The following CES1 variants were observed in gnomAD, a reference collection of about 807,000 sequenced individuals.
CES1 encodes liver carboxylesterase 1.
A neutral mutation model predicts 53.0 loss-of-function variants in CES1; 50 were observed. The observed-to-expected ratio is 0.94, with a 90% confidence interval of 0.75 to 1.19. The LOEUF (loss-of-function observed/expected upper bound fraction) is 1.19, where lower values mean the gene tolerates loss of function less well. Among genes scored for constraint, CES1 ranks in the 50% most tolerant of loss-of-function variants. The probability of loss-of-function intolerance (pLI) is 0.00; values close to 1 mark genes in which losing one functional copy is unlikely to be tolerated. For missense variants in CES1, 534 were observed against 538.0 expected, an observed-to-expected ratio of 0.99 and a Z score of 0.07; for synonymous variants, 202 against 210.1, an observed-to-expected ratio of 0.96 and a Z score of 0.33.
At chr16:55,829,166 A>T (rs2032543636) in intron 1 of CES1, among the ~76,000 whole-genome samples, 192 bp from the exon 2 acceptor site, 1 of 152,114 alleles carries the variant, frequency 6.6e-6, no homozygotes, top group Admixed American at 6.5e-5. Context: ...TTTAATGGGC[A>T]AACTAGAATT....
chr16:55,820,592 T>C, intron 5 of CES1, 113 bp from the exon 6 acceptor site: 1 of 1,552,844 alleles, frequency 6.4e-7, no homozygotes, highest in South Asian at 1.1e-5. Context: ...GACTGAGGAA[T>C]CCAGTAGTGG....
At chr16:55,815,667 C>A (rs1390106899) in intron 8 of CES1, among the ~76,000 whole-genome samples, 1 of 152,140 alleles carries the variant, frequency 6.6e-6, no homozygotes, top group Non-Finnish European at 1.5e-5. Context: ...TCCAACTACT[C>A]CTCCCATCCC....
intron 11 of CES1, 31 bp downstream of exon 11, chr16:55,810,486 G>C (rs780681113): frequency 6.2e-7 from 1 of 1,613,688 alleles, no homozygotes. Flanking sequence ...CGTGGGGTTT[G>C]TGTCCCTCCC....
intron 7 of CES1, among the ~76,000 whole-genome samples, chr16:55,818,438 GT>G (rs1255946723): frequency 6.6e-6 from 1 of 152,178 alleles, no homozygotes; most frequent in Non-Finnish European, 1.5e-5. Flanking sequence ...ATCTGTCTTT[GT>G]TACCTCTGTT....
rs566100600 is a variant in CES1 at position 55,821,262 on chromosome 16, C to T, written c.693+106G>A. 5.0e-5 allele frequency: 72 copies of T among 1,437,768 alleles called. No homozygotes were observed. The African/African-American group carries it at 9.3e-4, about 19-fold the overall frequency. The allele number at this position is 1,437,768 out of a possible 1,614,324, so 89.1% of individuals were successfully genotyped here. A position where few individuals can be genotyped will look rare whatever the true frequency, so the allele number is the denominator to read the frequency against. ...CTGTGAGTAGGGCCAGTCCTGAATT[C>T]AGGTATTGTAATCAGAGGTATCCAT... is the stretch of plus-strand genomic sequence containing the variant. On this transcript the variant is annotated intron_variant, in intron 5 of 13. Transcript: ENST00000360526.
intron 11 of CES1, among the ~76,000 whole-genome samples, chr16:55,808,678 G>C (rs1377533699): frequency 6.6e-6 from 1 of 152,218 alleles, no homozygotes; most frequent in South Asian, 2.1e-4. Flanking sequence ...ACATTAGGCT[G>C]AGCTCAATGT....
At position 55,816,972 on chromosome 16, in the gene CES1, C is replaced by T; in HGVS notation, c.907-10G>A. On this transcript the variant is annotated splice_polypyrimidine_tract_variant and intron_variant, in intron 7 of 13. Transcript: ENST00000360526. Reference sequence around the variant, plus strand: ...CCAGAGATAAGAATTTCTGTGAAGACAAAGGCAGAGGATGTGGGTGAGAGG... The same window carrying T: ...CCAGAGATAAGAATTTCTGTGAAGATAAAGGCAGAGGATGTGGGTGAGAGG... 6.2e-7 allele frequency: 1 copy of T among 1,614,144 alleles called. No individual in the cohort carries two copies. The highest frequency in any genetic ancestry group is 8.5e-7 in the Non-Finnish European group (1 of 1,180,004).
At chr16:55,829,033 G>A (rs1239056510) in intron 1 of CES1, 59 bp from the exon 2 acceptor site, 14 of 1,547,130 alleles carry the variant, frequency 9.0e-6, no homozygotes, top group Admixed American at 7.8e-5. Context: ...CCAGATTCCA[G>A]GTGGAGTTTG....
At chr16:55,816,224 TG>T (rs1303304057) in intron 8 of CES1, among the ~76,000 whole-genome samples, 1 of 150,974 alleles carries the variant, frequency 6.6e-6, no homozygotes, top group African/African-American at 2.4e-5. Flanking sequence ...GGCACTGTAA[TG>T]GAAGGTCCCA....
chr16:55,825,911 A>G (rs1247466695), intron 3 of CES1, among the ~76,000 whole-genome samples: 1 of 152,196 alleles, frequency 6.6e-6, no homozygotes, highest in Admixed American at 6.5e-5. Flanking sequence ...AGCATGAGGG[A>G]ACTTGGAACA....
intron 7 of CES1, among the ~76,000 whole-genome samples, chr16:55,818,424 A>C (rs2142330706): frequency 6.6e-6 from 1 of 152,310 alleles, no homozygotes; most frequent in African/African-American, 2.4e-5. Context: ...CAATTACAAA[A>C]TTTATCTGTC....
chr16:55,814,763 G>T (rs2031858488), intron 8 of CES1, among the ~76,000 whole-genome samples: 2 of 152,232 alleles, frequency 1.3e-5, no homozygotes, highest in Admixed American at 6.5e-5. Flanking sequence ...GGGACCTTTG[G>T]TCTGCTCTAC....
chr16:55,831,789 C>A (rs1437967994), intron 1 of CES1, among the ~76,000 whole-genome samples: 2 of 151,762 alleles, frequency 1.3e-5, no homozygotes, highest in African/African-American at 4.8e-5. Context: ...GCTGGGCTGT[C>A]AGGATTCAGG....
At position 55,826,124 on chromosome 16, in the gene CES1, C is replaced by G. The variant is rs140459094; in HGVS notation, c.405+27G>C. On this transcript the variant is annotated intron_variant, in intron 3 of 13. Coordinates refer to ENST00000360526, the MANE Select transcript of CES1 (RefSeq NM_001025195.2). ...GATGCGGGGTACTGGCACTGACACG[C>G]CTTGACCAGGGGGTCCCACAACTTA... The G allele has an allele frequency of 9.8e-4, 1,588 of 1,613,934 alleles. 1 individual carries two copies. The highest frequency in any genetic ancestry group is 1.3e-3 in the Non-Finnish European group (1,509 of 1,179,832).
At chr16:55,817,120 T>C (rs1400097000) in intron 7 of CES1, among the ~76,000 whole-genome samples, 158 bp from the exon 8 acceptor site, 1 of 152,162 alleles carries the variant, frequency 6.6e-6, no homozygotes, top group South Asian at 2.1e-4. Flanking sequence ...TGAACATGAA[T>C]ATTAGTTCAG....
At chr16:55,812,782 C>A (rs1275732528) in intron 9 of CES1, 121 bp downstream of exon 9, 15 of 1,426,372 alleles carry the variant, frequency 1.1e-5, no homozygotes, top group Non-Finnish European at 1.5e-5. Flanking sequence ...TTAACTCCTG[C>A]TGAAGGGAAC....
Position 55,826,227 on chromosome 16 carries a change from G to A in CES1, c.329C>T (p.Pro110Leu), listed in dbSNP as rs772568087. ...ELFTNRKENI[P>L]LKLSEDCLYL... ...AAGACAGTCTTCAGAAAGCTTGAGA[G>A]GAATGTTCTCCTTTCGGTTTGTAAA... Residue 110 changes from proline (P) to leucine (L), a missense_variant, in exon 3 of 14, where the codon CCT becomes CTT. Physicochemically the swap from Pro to Leu is moderately conservative, Grantham distance 98. This residue lies in a region of CES1 where 164 missense variants were observed against 162.4 expected (regional missense o/e 1.01). Coordinates refer to ENST00000360526, the MANE Select transcript of CES1 (RefSeq NM_001025195.2). 8 of 1,613,828 alleles carry A rather than the reference G, an allele frequency of 5.0e-6. No homozygotes were observed. The highest frequency in any genetic ancestry group is 1.7e-5 in the Admixed American group (1 of 59,996).
At position 55,833,002 on chromosome 16, in the gene CES1, A is replaced by G; in HGVS notation, c.52+2T>C. The G allele has an allele frequency of 6.4e-7, 1 of 1,558,940 alleles. No individual in the cohort carries two copies. Among genetic ancestry groups the G allele is most frequent in the Admixed American group, 1.7e-5 (1 of 59,366 alleles). ...CCGCATTTTGATTTCAGAAGGACTC[A>G]CCCCAAGCCGCGGAAGCAGAGAGAG... On this transcript the variant is annotated splice_donor_variant, in intron 1 of 13. Transcript: ENST00000360526. LOFTEE classifies it high-confidence loss of function.
At chr16:55,812,831 C>T (rs1235157809) in intron 9 of CES1, 72 bp downstream of exon 9, 11 of 1,599,536 alleles carry the variant, frequency 6.9e-6, no homozygotes, top group South Asian at 2.2e-5. Context: ...GAGAGGGAAG[C>T]ATTCCTGGGA....
Sources: gnomAD v4.1 joint callset for allele counts (sites outside exome capture counted in the v4.1 genomes callset) on GRCh38, gnomAD v4.1.1 for gene constraint, gnomAD v4.1.1 regional missense constraint, MANE v1.5 for transcripts, NCBI Gene and HGNC (gene_info 2026-07-23, HGNC 2026-07-21) for gene names.